Variants in ST3GAL2 observed in about 807,000 individuals in gnomAD.
ST3GAL2 encodes the protein CMP-N-acetylneuraminate-beta-galactosamide-alpha-2,3-sialyltransferase 2.
In ST3GAL2, 16 loss-of-function variants were observed where a neutral mutation model predicts 37.5. That is an observed-to-expected ratio of 0.43 (90% CI 0.29 to 0.65). The LOEUF (loss-of-function observed/expected upper bound fraction) is 0.65. Among genes scored for constraint, ST3GAL2 ranks in the 30% least tolerant of loss-of-function variants. The pLI is 0.17. For synonymous variants in ST3GAL2, 238 were observed against 202.9 expected, an observed-to-expected ratio of 1.17 and a Z score of -1.47; for missense variants, 383 against 487.8, an observed-to-expected ratio of 0.79 and a Z score of 2.02.
intron 1 of ST3GAL2, among the ~76,000 whole-genome samples, chr16:70,427,550 G>A (rs1326764429): frequency 6.6e-6 from 1 of 151,610 alleles, no homozygotes; most frequent in African/African-American, 2.4e-5. Context: ...TGTTAGCCAG[G>A]ATGGTCTCGA....
At chr16:70,430,805 C>G (rs2047784680) in intron 1 of ST3GAL2, among the ~76,000 whole-genome samples, 1 of 152,146 alleles carries the variant, frequency 6.6e-6, no homozygotes, top group Non-Finnish European at 1.5e-5. Context: ...GGCCGGGGTT[C>G]TCTCCTCTCC....
chr16:70,429,409 C>G lies in ST3GAL2; in HGVS notation c.-1004+9540G>C, dbSNP rs987651848. On this transcript the variant is annotated intron_variant, in intron 1 of 6. Coordinates refer to ENST00000342907, the MANE Select transcript of ST3GAL2 (RefSeq NM_006927.4). Reference sequence around the variant, plus strand: ...GAGATCGAGACCATCCTGGCTAACACGGTGAAACACCGTCTCTACTAAAAA... The same window carrying G: ...GAGATCGAGACCATCCTGGCTAACAGGGTGAAACACCGTCTCTACTAAAAA... Among the ~76,000 whole-genome samples, 20 of 151,976 alleles carry G rather than the reference C, an allele frequency of 1.3e-4. No homozygotes were observed. The Middle Eastern group carries it at 0.01, about 78-fold the overall frequency.
intron 1 of ST3GAL2, among the ~76,000 whole-genome samples, chr16:70,435,515 T>C (rs945192363): frequency 1.2e-4 from 18 of 152,086 alleles, no homozygotes; most frequent in Admixed American, 1.0e-3. Flanking sequence ...GGAGAATTAC[T>C]TGAACCCGGG....
At chr16:70,391,444 G>A (rs950370417) in intron 3 of ST3GAL2, among the ~76,000 whole-genome samples, 3 of 152,186 alleles carry the variant, frequency 2.0e-5, no homozygotes, top group Admixed American at 2.0e-4. Context: ...TTAGGGTTTA[G>A]AGATCCTGTC....
chr16:70,380,064 T>G lies in ST3GAL2; in HGVS notation c.*1625A>C, dbSNP rs2047385534. On this transcript the variant is annotated 3_prime_UTR_variant, in exon 7 of 7. Transcript: ENST00000342907. Reference sequence around the variant, plus strand: ...TCTTCAGGAAGCACTGAGATGGGAGTGGCAAGACTGGCTGAGGCCTAGCTC... The same window carrying G: ...TCTTCAGGAAGCACTGAGATGGGAGGGGCAAGACTGGCTGAGGCCTAGCTC... 1 of 151,926 alleles carries G rather than the reference T, an allele frequency of 6.6e-6. No individual in the cohort carries two copies. Among genetic ancestry groups the G allele is most frequent in the African/African-American group, 2.4e-5 (1 of 41,286 alleles). The allele number at this position is 151,926 out of a possible 1,614,324, so 9.4% of individuals were successfully genotyped here. A position where few individuals can be genotyped will look rare whatever the true frequency, so the allele number is the denominator to read the frequency against.
intron 1 of ST3GAL2, among the ~76,000 whole-genome samples, chr16:70,414,350 T>C (rs2151671219): frequency 6.6e-6 from 1 of 152,330 alleles, no homozygotes; most frequent in African/African-American, 2.4e-5. Flanking sequence ...CACAGAGGGA[T>C]AGGGCAGGGC....
intron 5 of ST3GAL2, 81 bp downstream of exon 5, chr16:70,383,109 G>A: frequency 6.3e-7 from 1 of 1,592,052 alleles, no homozygotes; most frequent in South Asian, 1.1e-5. Context: ...AGGGGAAATG[G>A]AACACCTGAG....
intron 1 of ST3GAL2, among the ~76,000 whole-genome samples, chr16:70,407,015 CACAG>C (rs1257830912): frequency 2.0e-5 from 3 of 152,082 alleles, no homozygotes; most frequent in South Asian, 4.1e-4. Flanking sequence ...GAGCAAGCGG[CACAG>C]ACAGTGAGGA....
At chr16:70,411,632 A>G (rs1450520727) in intron 1 of ST3GAL2, among the ~76,000 whole-genome samples, 2 of 152,030 alleles carry the variant, frequency 1.3e-5, no homozygotes, top group Non-Finnish European at 2.9e-5. Flanking sequence ...CTTGTTATAA[A>G]CTAATCCAGT....
chr16:70,387,064 G>T (rs1284327799), intron 4 of ST3GAL2, among the ~76,000 whole-genome samples: 1 of 152,118 alleles, frequency 6.6e-6, no homozygotes, highest in Non-Finnish European at 1.5e-5. Context: ...GACCAGCCTG[G>T]CCAACATAGC....
At chr16:70,382,961 T>G (rs922353742) in intron 5 of ST3GAL2, 37 bp from the exon 6 acceptor site, 2 of 1,606,802 alleles carry the variant, frequency 1.2e-6, no homozygotes, top group South Asian at 2.2e-5. Context: ...ATGAGGGGTT[T>G]AGGGGCAGAG....
chr16:70,392,821 G>A (rs545396702), intron 3 of ST3GAL2, among the ~76,000 whole-genome samples: 23 of 152,096 alleles, frequency 1.5e-4, no homozygotes, highest in Non-Finnish European at 2.6e-4. Flanking sequence ...GTCTTGCTCT[G>A]TTGCCCAGGC....
Position 70,425,500 on chromosome 16 carries a change from A to G in ST3GAL2, c.-1004+13449T>C, listed in dbSNP as rs150111746. On this transcript the variant is annotated intron_variant, in intron 1 of 6. Transcript: ENST00000342907. ...AACAGTGATATATTGAGGTAGTGCC[A>G]GGTACCATTTTGACCCATGGAGACC... Among the ~76,000 whole-genome samples the G allele has an allele frequency of 6.3e-4, 96 of 152,182 alleles. 1 individual carries two copies. In the East Asian group the frequency reaches 0.014, roughly 23 times the overall value.
intron 1 of ST3GAL2, among the ~76,000 whole-genome samples, chr16:70,426,603 C>T (rs2047753571): frequency 1.3e-5 from 2 of 151,914 alleles, no homozygotes; most frequent in Admixed American, 1.3e-4. Flanking sequence ...CCTCTGCCTC[C>T]CGGGTTCAAG....
chr16:70,384,200 G>T (rs549360752), intron 4 of ST3GAL2, among the ~76,000 whole-genome samples: 12 of 152,164 alleles, frequency 7.9e-5, no homozygotes, highest in Non-Finnish European at 1.8e-4. Flanking sequence ...ATACCCAAAA[G>T]GTAGAACACA....
intron 5 of ST3GAL2, 98 bp from the exon 6 acceptor site, chr16:70,383,022 G>T: frequency 1.3e-6 from 2 of 1,581,404 alleles, no homozygotes; most frequent in Non-Finnish European, 1.7e-6. Flanking sequence ...TCAGAGACCT[G>T]TGCGTCTGTG....
intron 1 of ST3GAL2, among the ~76,000 whole-genome samples, chr16:70,437,347 G>C (rs935471676): frequency 6.6e-6 from 1 of 152,106 alleles, no homozygotes; most frequent in Non-Finnish European, 1.5e-5. Flanking sequence ...GGCTGGGAAG[G>C]GGGTTGCTGA....
At chr16:70,436,641 C>T (rs986434730) in intron 1 of ST3GAL2, among the ~76,000 whole-genome samples, 8 of 151,910 alleles carry the variant, frequency 5.3e-5, no homozygotes, top group Non-Finnish European at 1.2e-4. Flanking sequence ...CAATCTGTGC[C>T]TTAACCAGCT....
chr16:70,383,382 G>A, intron 4 of ST3GAL2, 147 bp from the exon 5 acceptor site: 1 of 651,692 alleles, frequency 1.5e-6, no homozygotes, highest in Non-Finnish European at 2.4e-6. Context: ...CCAGGAGTTT[G>A]AGGCCAGCCT....
Sources: gnomAD v4.1 joint callset for allele counts (sites outside exome capture counted in the v4.1 genomes callset) on GRCh38, gnomAD v4.1.1 for gene constraint, MANE v1.5 for transcripts, NCBI Gene and HGNC (gene_info 2026-07-23, HGNC 2026-07-21) for gene names.